The following DARS1 variants were observed in gnomAD, a reference collection of about 807,000 sequenced individuals.
The protein encoded by DARS1 is aspartate--tRNA ligase, cytoplasmic.
In DARS1, 51 loss-of-function variants were observed where a neutral mutation model predicts 68.8. That is an observed-to-expected ratio of 0.74 (90% CI 0.59 to 0.94). The LOEUF is 0.94. Ranked by LOEUF, DARS1 falls within the 40% of genes least tolerant of loss-of-function variation. DARS1 has a pLI of 0.00. For synonymous variants in DARS1, 203 were observed against 190.4 expected (o/e 1.07, Z -0.55); for missense variants, 607 against 597.3 (o/e 1.02, Z -0.17).
chr2:135,909,204 T>G (rs1034488590), intron 15 of DARS1, among the ~76,000 whole-genome samples: 1 of 152,116 alleles, frequency 6.6e-6, no homozygotes, highest in African/African-American at 2.4e-5. Flanking sequence ...GGTGATGGGT[T>G]GACAGATGCA....
In DARS1 at chr2:135,974,351, G is replaced by A. The variant is rs139379589; in HGVS notation, c.217+4923C>T. 5.2e-3 allele frequency among the ~76,000 whole-genome samples: 799 copies of A among 152,244 alleles called. 7 individuals carry two copies. The highest frequency in any genetic ancestry group is 0.018 in the African/African-American group (739 of 41,532). The stretch of plus-strand genomic sequence containing the variant: ...GTGAATTTGCGAATATGCAGTCCAC[G>A]AATAATGAGGATCAACTACGTTAAA... On this transcript the variant is annotated intron_variant, in intron 3 of 15. Transcript: ENST00000264161.
chr2:135,932,507 A>G lies in DARS1; in HGVS notation c.564+276T>C, dbSNP rs182594153. Among the ~76,000 whole-genome samples, 28 of 152,356 alleles carry G rather than the reference A, an allele frequency of 1.8e-4. No homozygotes were observed. The East Asian group carries it at 4.2e-3, about 23-fold the overall frequency. ...TTGCTGAATAACTTGTCTAAAAAAG[A>G]TATCACCTGGAAGCAAGATCATTTA... On this transcript the variant is annotated intron_variant, in intron 7 of 15. Coordinates refer to ENST00000264161, the MANE Select transcript of DARS1 (RefSeq NM_001349.4).
At chr2:135,955,369 G>A (rs1036807269) in intron 4 of DARS1, among the ~76,000 whole-genome samples, 2 of 152,018 alleles carry the variant, frequency 1.3e-5, no homozygotes, top group Admixed American at 6.6e-5. Flanking sequence ...TATACTTACA[G>A]ATCTACATAA....
At chr2:135,950,892 A>C (rs1170381196) in intron 4 of DARS1, among the ~76,000 whole-genome samples, 1 of 152,130 alleles carries the variant, frequency 6.6e-6, no homozygotes, top group East Asian at 1.9e-4. Context: ...TTTGTGGGGC[A>C]AGAGAAACAA....
At position 135,907,215 on chromosome 2, in the gene DARS1, G is replaced by T; in HGVS notation, c.*101C>A. On this transcript the variant is annotated 3_prime_UTR_variant, in exon 16 of 16. Transcript: ENST00000264161. ...TAAAGTACAGCCTGTGCACTAGCAG[G>T]TTACTGAAAAGAATAAGTGTGGCTT... 5 of 707,256 alleles carry T rather than the reference G, an allele frequency of 7.1e-6. No individual in the cohort carries two copies. Among genetic ancestry groups the T allele is most frequent in the Non-Finnish European group, 9.0e-6 (4 of 445,846 alleles). The allele number at this position is 707,256 out of a possible 1,614,324, so 43.8% of individuals were successfully genotyped here.
chr2:135,966,690 CCTAA>C (rs1288492327), intron 3 of DARS1, among the ~76,000 whole-genome samples: 2 of 152,046 alleles, frequency 1.3e-5, no homozygotes, highest in African/African-American at 4.8e-5. Context: ...TAATCCCATG[CCTAA>C]CTAATTTTTG....
At position 135,970,435 on chromosome 2, in the gene DARS1, A is replaced by G. The variant is rs184462465; in HGVS notation, c.217+8839T>C. ...TAAGGAAATCAAAAAATTTCTTGAA[A>G]CAAATGATAATGGAAACAACATGCC... is the stretch of plus-strand genomic sequence containing the variant. On this transcript the variant is annotated intron_variant, in intron 3 of 15. Coordinates refer to ENST00000264161, the MANE Select transcript of DARS1 (RefSeq NM_001349.4). Among the ~76,000 whole-genome samples the G allele has an allele frequency of 2.8e-4, 43 of 152,130 alleles. No individual in the cohort carries two copies. In the East Asian group the frequency reaches 8.3e-3, roughly 29 times the overall value.
At chr2:135,979,491 C>T in intron 2 of DARS1, 125 bp from the exon 3 acceptor site, 1 of 614,222 alleles carries the variant, frequency 1.6e-6, no homozygotes, top group East Asian at 2.9e-5. Flanking sequence ...AATTCTCAAT[C>T]TTTGACAACA....
chr2:135,978,559 T>C (rs1005699433), intron 3 of DARS1, among the ~76,000 whole-genome samples: 26 of 152,374 alleles, frequency 1.7e-4, no homozygotes, highest in Admixed American at 2.6e-4. Context: ...AGTGTGTCAA[T>C]TGATATTTTT....
At chr2:135,946,325 GCTT>G (rs1363030644) in intron 4 of DARS1, among the ~76,000 whole-genome samples, 9 of 152,272 alleles carry the variant, frequency 5.9e-5, no homozygotes, top group Non-Finnish European at 2.9e-5. Context: ...ACCACTGCTA[GCTT>G]CTTTTCATTA....
intron 11 of DARS1, 51 bp downstream of exon 11, chr2:135,916,175 C>G (rs752757484): frequency 9.4e-7 from 1 of 1,059,952 alleles, no homozygotes; most frequent in Non-Finnish European, 1.5e-6. Context: ...CCTGCACGTT[C>G]TGCACATGGA....
chr2:135,980,340 GTTAAA>G (rs539097449), intron 2 of DARS1: 25 of 152,302 alleles, frequency 1.6e-4, no homozygotes, highest in African/African-American at 5.8e-4. Flanking sequence ...TTAAGTATTA[GTTAAA>G]TTAAACATAG....
chr2:135,955,673 CTTTTT>C (rs75123258), intron 4 of DARS1, among the ~76,000 whole-genome samples: 7 of 61,330 alleles, frequency 1.1e-4, no homozygotes, highest in African/African-American at 5.1e-4. Context: ...AAATAAAAAT[CTTTTT>C]TTTTTTTTTT....
At chr2:135,927,217 G>C (rs1681238897) in intron 7 of DARS1, among the ~76,000 whole-genome samples, 1 of 152,102 alleles carries the variant, frequency 6.6e-6, no homozygotes, top group Non-Finnish European at 1.5e-5. Flanking sequence ...TTATCAGTAA[G>C]ATTACAGAAT....
At chr2:135,950,949 T>C (rs1436138272) in intron 4 of DARS1, among the ~76,000 whole-genome samples, 1 of 151,964 alleles carries the variant, frequency 6.6e-6, no homozygotes, top group East Asian at 1.9e-4. Context: ...GTTTCAGGAA[T>C]GGAGCATGGG....
intron 4 of DARS1, among the ~76,000 whole-genome samples, chr2:135,958,648 C>G (rs1682030824): frequency 6.6e-6 from 1 of 152,114 alleles, no homozygotes; most frequent in Non-Finnish European, 1.5e-5. Context: ...TTATCTTAAC[C>G]AACTACAAAA....
At chr2:135,942,714 A>T (rs995471253) in intron 5 of DARS1, among the ~76,000 whole-genome samples, 1 of 152,210 alleles carries the variant, frequency 6.6e-6, no homozygotes, top group African/African-American at 2.4e-5. Flanking sequence ...ACATCATCAA[A>T]AAACTTATAG....
chr2:135,967,058 G>T (rs1467592580), intron 3 of DARS1, among the ~76,000 whole-genome samples: 1 of 152,192 alleles, frequency 6.6e-6, no homozygotes, highest in African/African-American at 2.4e-5. Context: ...GCTCAGCAAT[G>T]AAATAGGCCT....
rs775885588 is a variant in DARS1 at position 135,916,246 on chromosome 2, C to T, written c.1086G>A (p.Met362Ile). ...CAAACCTCAGATCGTCTTCATCTCC[C>T]ATTTCGACTCCAGCTTCCCTAAGCA... ...LAMLREAGVE[M>I]GDEDDLSTPN... Residue 362 changes from methionine (M) to isoleucine (I), a missense_variant, in exon 11 of 16, where the codon ATG becomes ATA. Physicochemically the swap from Met to Ile is conservative, Grantham distance 10 (BLOSUM62 1). Transcript: ENST00000264161. 1 of 1,596,712 alleles carries T rather than the reference C, an allele frequency of 6.3e-7. No individual in the cohort carries two copies. The highest frequency in any genetic ancestry group is 2.2e-5 in the East Asian group (1 of 44,752).
Sources: gnomAD v4.1 joint callset for allele counts (sites outside exome capture counted in the v4.1 genomes callset) on GRCh38, gnomAD v4.1.1 for gene constraint, MANE v1.5 for transcripts, NCBI Gene and HGNC (gene_info 2026-07-23, HGNC 2026-07-21) for gene names.